Variants in TBC1D16 observed in about 807,000 individuals in gnomAD.
TBC1D16 encodes TBC1 domain family member 16, also known as CTD-2529O21.1.
In TBC1D16, 58 loss-of-function variants were observed where a neutral mutation model predicts 74.7. That is an observed-to-expected ratio of 0.78 (90% CI 0.63 to 0.97). The LOEUF is 0.97. Ranked by LOEUF, TBC1D16 falls within the 50% of genes least tolerant of loss-of-function variation. The pLI is 0.00. For missense variants in TBC1D16, 1,014 were observed against 1,079.5 expected (o/e 0.94, Z 0.85); for synonymous variants, 493 against 474.7 (o/e 1.04, Z -0.50).
chr17:79,942,740 ACT>A (rs1303970106), intron 10 of TBC1D16, among the ~76,000 whole-genome samples: 1 of 151,982 alleles, frequency 6.6e-6, no homozygotes, highest in African/African-American at 2.4e-5. Context: ...CCCAGAGATG[ACT>A]CTAGGGTTTG....
At chr17:80,013,666 A>G (rs2035984166) in intron 1 of TBC1D16, 57 bp from the exon 2 acceptor site, 1 of 1,133,252 alleles carries the variant, frequency 8.8e-7, no homozygotes, top group East Asian at 2.7e-5. Flanking sequence ...TCTGTCTCAC[A>G]GCAGTACGTG....
chr17:79,949,038 G>A (rs1445157175), intron 7 of TBC1D16, 32 bp from the exon 8 acceptor site: 1 of 1,613,040 alleles, frequency 6.2e-7, no homozygotes, highest in African/African-American at 1.3e-5. Context: ...GCCGGGGTCA[G>A]CGGGTGGCAC....
At chr17:79,970,860 C>CCT (rs79227136) in intron 3 of TBC1D16, among the ~76,000 whole-genome samples, 8 of 31,234 alleles carry the variant, frequency 2.6e-4, no homozygotes, top group South Asian at 1.6e-3. Context: ...ACAGCGCCAC[C>CCT]CTGGAAACGG....
chr17:80,004,024 C>T (rs529486056), intron 3 of TBC1D16, among the ~76,000 whole-genome samples: 54 of 152,302 alleles, frequency 3.5e-4, no homozygotes, highest in African/African-American at 1.3e-3. Flanking sequence ...CACCGTATGC[C>T]GGCCTGAGCA....
At position 80,010,091 on chromosome 17, in the gene TBC1D16, T is replaced by C; in HGVS notation, c.779+69A>G. The C allele has an allele frequency of 7.7e-7, 1 of 1,299,516 alleles. No individual in the cohort carries two copies. The highest frequency in any genetic ancestry group is 1.4e-5 in the South Asian group (1 of 69,072). The allele number at this position is 1,299,516 out of a possible 1,614,324, so 80.5% of individuals were successfully genotyped here. A position where few individuals can be genotyped will look rare whatever the true frequency, so the allele number is the denominator to read the frequency against. ...CACCTGGCATCACAGGTGACGCAGG[T>C]GAGTGCTTCCTGCCCAGGTCAGGCC... is the stretch of plus-strand genomic sequence containing the variant. On this transcript the variant is annotated intron_variant, in intron 3 of 11. Coordinates refer to ENST00000310924, the MANE Select transcript of TBC1D16 (RefSeq NM_019020.4). This position sits in a 1 kb window ranked among gnomAD's most constrained non-coding sequence, Gnocchi z 8.8.
intron 3 of TBC1D16, among the ~76,000 whole-genome samples, chr17:79,989,024 GA>G (rs1252004293): frequency 2.6e-5 from 4 of 152,194 alleles, no homozygotes; most frequent in Non-Finnish European, 5.9e-5. Flanking sequence ...TTCTTAACTT[GA>G]AAAAACACCA....
intron 3 of TBC1D16, 144 bp from the exon 4 acceptor site, chr17:79,952,962 C>G: frequency 2.3e-6 from 2 of 861,200 alleles, no homozygotes; most frequent in Non-Finnish European, 3.5e-6. Flanking sequence ...GCCCTGTAAA[C>G]ACCTGTGAAT....
intron 1 of TBC1D16, among the ~76,000 whole-genome samples, chr17:80,019,814 G>T (rs570531956): frequency 1.3e-5 from 2 of 149,542 alleles, no homozygotes; most frequent in African/African-American, 2.6e-5. Flanking sequence ...CCACTCCTTG[G>T]AATTATATCA....
rs1472200535 is a variant in TBC1D16, at chr17:79,988,022, A to G, written c.779+22138T>C. Among the ~76,000 whole-genome samples the G allele has an allele frequency of 6.6e-6, 1 of 152,162 alleles. No individual in the cohort carries two copies. Among genetic ancestry groups the G allele is most frequent in the Non-Finnish European group, 1.5e-5 (1 of 68,034 alleles). ...ATTCTGAATGTGGTTTAAAAAAAAAATTAGGTGGGGGAGAATGAGACGATA... is the reference window on the plus strand; with the variant it reads ...ATTCTGAATGTGGTTTAAAAAAAAAGTTAGGTGGGGGAGAATGAGACGATA... On this transcript the variant is annotated intron_variant, in intron 3 of 11. Coordinates refer to ENST00000310924, the MANE Select transcript of TBC1D16 (RefSeq NM_019020.4). This position sits in a 1 kb window ranked among gnomAD's most constrained non-coding sequence, Gnocchi z 5.7.
At chr17:80,025,481 A>T (rs886594263) in intron 1 of TBC1D16, among the ~76,000 whole-genome samples, 4 of 149,758 alleles carry the variant, frequency 2.7e-5, no homozygotes, top group Admixed American at 1.3e-4. Flanking sequence ...CTAGGCTCTG[A>T]GGGCTGAATA....
intron 3 of TBC1D16, among the ~76,000 whole-genome samples, chr17:79,972,225 G>A (rs931257995): frequency 1.3e-5 from 2 of 152,096 alleles, no homozygotes; most frequent in Non-Finnish European, 2.9e-5. Context: ...CACCCAGGCT[G>A]GAGTGCAGTG....
At chr17:80,033,378 T>C (rs1368637364) in intron 1 of TBC1D16, among the ~76,000 whole-genome samples, 1 of 151,882 alleles carries the variant, frequency 6.6e-6, no homozygotes, top group Non-Finnish European at 1.5e-5. Context: ...TTTGGGTTTT[T>C]TAGGTTTTTT....
chr17:80,035,114 G>C lies in TBC1D16; in HGVS notation c.-63+681C>G, dbSNP rs2036919321. ...GCCAATATACGACACCAGCTTCCGA[G>C]TGTGGGAATCACAGGATTTCAGGAT... On this transcript the variant is annotated intron_variant, in intron 1 of 11. Transcript: ENST00000310924. The surrounding 1 kb of genome is among the most constrained non-coding windows in gnomAD (Gnocchi z 5.3). Among the ~76,000 whole-genome samples, 1 of 152,218 alleles carries C rather than the reference G, an allele frequency of 6.6e-6. No homozygotes were observed. The highest frequency in any genetic ancestry group is 1.5e-5 in the Non-Finnish European group (1 of 68,040).
At chr17:79,943,332 G>A (rs1165659485) in intron 10 of TBC1D16, among the ~76,000 whole-genome samples, 1 of 152,224 alleles carries the variant, frequency 6.6e-6, no homozygotes, top group African/African-American at 2.4e-5. Flanking sequence ...TTCTCTGGGA[G>A]AGGAATGTGG....
intron 3 of TBC1D16, among the ~76,000 whole-genome samples, chr17:79,967,119 G>A (rs1245774157): frequency 6.6e-6 from 1 of 152,174 alleles, no homozygotes; most frequent in Non-Finnish European, 1.5e-5. Context: ...ATTTAAGTGT[G>A]AAAGACTAAA....
chr17:79,958,531 T>G (rs1250216782), intron 3 of TBC1D16, among the ~76,000 whole-genome samples: 1 of 152,202 alleles, frequency 6.6e-6, no homozygotes, highest in Non-Finnish European at 1.5e-5. Context: ...ACCAAATATT[T>G]CTGAATGGCA....
At chr17:79,997,733 C>T (rs1423728624) in intron 3 of TBC1D16, among the ~76,000 whole-genome samples, 1 of 152,148 alleles carries the variant, frequency 6.6e-6, no homozygotes, top group African/African-American at 2.4e-5. Flanking sequence ...TAATAACTGA[C>T]GTTCAGGGCT....
Position 79,942,023 on chromosome 17 carries a change from C to T in TBC1D16, c.2055+37G>A, listed in dbSNP as rs769442313. 74 of 801,992 alleles carry T rather than the reference C, an allele frequency of 9.2e-5. 1 individual carries two copies. The South Asian group carries it at 1.0e-3, about 11-fold the overall frequency. The allele number at this position is 801,992 out of a possible 1,614,324, so 49.7% of individuals were successfully genotyped here. On this transcript the variant is annotated intron_variant, in intron 11 of 11. Transcript: ENST00000310924. ...AGCTGGTGGGGTGGGGCTTTGGGGG[C>T]GGGGCGGGGTGGGGCCCACATCTGG... is the stretch of plus-strand genomic sequence containing the variant.
chr17:80,024,578 A>ACACACACCACACAC (rs1220440676), intron 1 of TBC1D16, among the ~76,000 whole-genome samples: 1 of 26,188 alleles, frequency 3.8e-5, no homozygotes, highest in South Asian at 8.4e-4. Context: ...CACCATAGGC[A>ACACACACCACACAC]CACACACCAC....
Sources: gnomAD v4.1 joint callset for allele counts (sites outside exome capture counted in the v4.1 genomes callset) on GRCh38, gnomAD v4.1.1 for gene constraint, Gnocchi (gnomAD v3.1) non-coding constraint, MANE v1.5 for transcripts, NCBI Gene and HGNC (gene_info 2026-07-23, HGNC 2026-07-21) for gene names.